Variants in VPS4B observed in about 807,000 individuals in gnomAD.
The protein encoded by VPS4B is vacuolar protein sorting-associated protein 4B.
Under a neutral mutation model 56.1 loss-of-function variants are expected in VPS4B, and 23 were observed. The ratio of observed to expected loss-of-function variants is 0.41; its 90% CI spans 0.30 to 0.58. The LOEUF (loss-of-function observed/expected upper bound fraction) is 0.58. VPS4B is among the 20% of genes least tolerant of loss of function. VPS4B has a pLI of 0.29. For synonymous variants in VPS4B, 177 were observed against 186.0 expected, an observed-to-expected ratio of 0.95 and a Z score of 0.39; for missense variants, 372 against 531.9, an observed-to-expected ratio of 0.70 and a Z score of 2.96.
At position 63,422,182 on chromosome 18, in the gene VPS4B, G is replaced by T. The variant is rs368070460; in HGVS notation, c.27+51C>A. ...TCCCCGCCCCCCACCCGCTTCTCGC[G>T]CCTCCCCTCGATCCCAGCTCCCTAG... is the stretch of plus-strand genomic sequence containing the variant. On this transcript the variant is annotated intron_variant, in intron 1 of 10. Coordinates refer to ENST00000238497, the MANE Select transcript of VPS4B (RefSeq NM_004869.4). 7 of 1,430,890 alleles carry T rather than the reference G, an allele frequency of 4.9e-6. No homozygotes were observed. The African/African-American group carries it at 1.0e-4, about 21-fold the overall frequency. The allele number at this position is 1,430,890 out of a possible 1,614,324, so 88.6% of individuals were successfully genotyped here. A position where few individuals can be genotyped will look rare whatever the true frequency, so the allele number is the denominator to read the frequency against.
intron 9 of VPS4B, among the ~76,000 whole-genome samples, chr18:63,395,738 T>C (rs934701144): frequency 6.6e-6 from 1 of 152,250 alleles, no homozygotes; most frequent in African/African-American, 2.4e-5. Flanking sequence ...CCTAGTTCAT[T>C]GTTACTCAAA....
At chr18:63,392,444 T>G (rs1469025337) in intron 10 of VPS4B, among the ~76,000 whole-genome samples, 1 of 152,194 alleles carries the variant, frequency 6.6e-6, no homozygotes, top group Non-Finnish European at 1.5e-5. Flanking sequence ...TTCTGGTTTT[T>G]GTTTTTGTTG....
chr18:63,400,635 T>C lies in VPS4B; in HGVS notation c.553A>G (p.Lys185Glu), dbSNP rs1319658987. ...TTGTTGGCTTCTGTTGCTACAGCTT[T>C]GGCTAAGTAGGACTTTCCTGTTCCA... is the stretch of plus-strand genomic sequence containing the variant. The part of the protein sequence containing the change: ...PPGTGKSYLA[K>E]AVATEANNST... The change falls in exon 6 of 11, where the codon AAA becomes GAA. Residue 185 changes from lysine (K) to glutamate (E), a missense_variant. Physicochemically the swap from Lys to Glu is moderately conservative, Grantham distance 56 (BLOSUM62 1). Coordinates refer to ENST00000238497, the MANE Select transcript of VPS4B (RefSeq NM_004869.4). 6.2e-7 allele frequency: 1 copy of C among 1,611,534 alleles called. No homozygotes were observed. Among genetic ancestry groups the C allele is most frequent in the South Asian group, 1.1e-5 (1 of 90,334 alleles).
rs114064122 is a variant in VPS4B at position 63,400,483 on chromosome 18, A to G, written c.641+64T>C. The G allele has an allele frequency of 1.3e-3, 1,948 of 1,486,130 alleles. 23 individuals are homozygous for G. In the African/African-American group the frequency reaches 0.026, roughly 19 times the overall value. The allele number at this position is 1,486,130 out of a possible 1,614,324, so 92.1% of individuals were successfully genotyped here. A position where few individuals can be genotyped will look rare whatever the true frequency, so the allele number is the denominator to read the frequency against. ...TATCTATAAGTGATGTAAGAAATCT[A>G]TTAAGGAGTGATACAGTAATTACAG... On this transcript the variant is annotated intron_variant, in intron 6 of 10. Transcript: ENST00000238497.
Position 63,414,701 on chromosome 18 carries a change from C to T in VPS4B, c.28-3123G>A, listed in dbSNP as rs372886127. Among the ~76,000 whole-genome samples the T allele has an allele frequency of 4.3e-4, 66 of 152,328 alleles. No individual in the cohort carries two copies. The East Asian group carries it at 0.01, about 24-fold the overall frequency. On this transcript the variant is annotated intron_variant, in intron 1 of 10. Transcript: ENST00000238497. ...ACACCTGCCTCAGCCTCCCAAAGTGCTGGGATAACAGGCGTGAGCCACCGT... is the reference window on the plus strand; with the variant it reads ...ACACCTGCCTCAGCCTCCCAAAGTGTTGGGATAACAGGCGTGAGCCACCGT...
In VPS4B at chr18:63,405,942, C is replaced by T. The variant is rs369091937; in HGVS notation, c.364+1490G>A. ...TCGAGGCTGCAGTAAGCCGTGATTG[C>T]GCCACTGCACTCCAGCCTGGGCAAC... On this transcript the variant is annotated intron_variant, in intron 4 of 10. Coordinates refer to ENST00000238497, the MANE Select transcript of VPS4B (RefSeq NM_004869.4). Among the ~76,000 whole-genome samples, 20 of 151,656 alleles carry T rather than the reference C, an allele frequency of 1.3e-4. No individual in the cohort carries two copies. In the South Asian group the frequency reaches 2.9e-3, roughly 22 times the overall value.
At chr18:63,415,437 G>A in intron 1 of VPS4B, 1 of 285,822 alleles carries the variant, frequency 3.5e-6, no homozygotes, top group Non-Finnish European at 7.2e-6. Flanking sequence ...CATATATGCT[G>A]CTTTCTCTGT....
At chr18:63,412,659 TAGAA>T (rs1568090173) in intron 1 of VPS4B, among the ~76,000 whole-genome samples, 1 of 152,190 alleles carries the variant, frequency 6.6e-6, no homozygotes, top group Non-Finnish European at 1.5e-5. Context: ...AAATGGATCA[TAGAA>T]TTAAATGTAA....
intron 4 of VPS4B, 191 bp downstream of exon 4, chr18:63,407,241 C>T (rs557115221): frequency 1.8e-6 from 1 of 544,854 alleles, no homozygotes; most frequent in Admixed American, 3.5e-5. Flanking sequence ...ATAAAAAAGA[C>T]CAAACCATGA....
At chr18:63,422,143 C>A in intron 1 of VPS4B, 90 bp downstream of exon 1, 2 of 1,346,864 alleles carry the variant, frequency 1.5e-6, no homozygotes, top group Non-Finnish European at 1.9e-6. Flanking sequence ...CAGGCGCGGC[C>A]GCTTCCTCCC....
chr18:63,421,486 T>C (rs1169152712), intron 1 of VPS4B, among the ~76,000 whole-genome samples: 2 of 152,204 alleles, frequency 1.3e-5, no homozygotes, highest in Non-Finnish European at 2.9e-5. Flanking sequence ...CCACATTACA[T>C]TCTAAACGCC....
At chr18:63,401,276 CAG>C (rs1480025387) in intron 5 of VPS4B, among the ~76,000 whole-genome samples, 1 of 152,014 alleles carries the variant, frequency 6.6e-6, no homozygotes, top group Non-Finnish European at 1.5e-5. Flanking sequence ...TTTTTTGAGA[CAG>C]AGTCTCACTC....
intron 1 of VPS4B, chr18:63,415,341 GT>G: frequency 5.2e-6 from 1 of 192,198 alleles, no homozygotes. Context: ...TGATGGACAT[GT>G]TTTACTCTCT....
rs1915790246 is a variant in VPS4B at position 63,400,703 on chromosome 18, C to T, written c.485G>A (p.Gly162Asp). The stretch of plus-strand genomic sequence containing the variant: ...GATTCCCCTCCAAGGTGTTCTCTTG[C>T]CTAAAATTTAGATTTAGAAAAATGT... ...LPIKFPHLFT[G>D]KRTPWRGILL... The change falls in exon 6 of 11, where the codon GGC (glycine) becomes GAC (aspartate). Residue 162 changes from glycine (G) to aspartate (D), a missense_variant and splice_region_variant. By Grantham distance (94) the Gly-to-Asp change is moderately conservative (BLOSUM62 -1). Transcript: ENST00000238497. The T allele has an allele frequency of 1.3e-6, 2 of 1,595,450 alleles. No individual in the cohort carries two copies. Among genetic ancestry groups the T allele is most frequent in the Non-Finnish European group, 8.5e-7 (1 of 1,175,772 alleles).
At chr18:63,417,347 G>C (rs1468345095) in intron 1 of VPS4B, among the ~76,000 whole-genome samples, 1 of 151,800 alleles carries the variant, frequency 6.6e-6, no homozygotes, top group Non-Finnish European at 1.5e-5. Context: ...TCATATCAAG[G>C]CTCTCTAGCA....
At position 63,422,008 on chromosome 18, in the gene VPS4B, G is replaced by A. The variant is rs1048992657; in HGVS notation, c.27+225C>T. On this transcript the variant is annotated intron_variant, in intron 1 of 10. Coordinates refer to ENST00000238497, the MANE Select transcript of VPS4B (RefSeq NM_004869.4). ...AGCGGGAAGTGTCAACAAAAGTGAA[G>A]AGTCTCACAAAGCCAGTAGCTCGGG... Among the ~76,000 whole-genome samples, 3 of 152,200 alleles carry A rather than the reference G, an allele frequency of 2.0e-5. 1 individual carries two copies. Among genetic ancestry groups the A allele is most frequent in the Admixed American group, 2.0e-4 (3 of 15,284 alleles).
chr18:63,422,083 C>T (rs1176727946), intron 1 of VPS4B, 150 bp downstream of exon 1: 11 of 823,208 alleles, frequency 1.3e-5, no homozygotes, highest in African/African-American at 1.8e-5. Context: ...AAACGGGCCC[C>T]TCTCCCACCT....
intron 1 of VPS4B, among the ~76,000 whole-genome samples, chr18:63,418,391 A>T (rs1449847251): frequency 1.3e-5 from 2 of 151,784 alleles, no homozygotes; most frequent in Non-Finnish European, 2.9e-5. Context: ...GGCTGTCATG[A>T]CACCATTTTC....
At chr18:63,416,224 C>T in intron 1 of VPS4B, 1 of 206,830 alleles carries the variant, frequency 4.8e-6, no homozygotes. Flanking sequence ...ACACTTTCTC[C>T]TTATTCATGG....
Sources: gnomAD v4.1 joint callset for allele counts (sites outside exome capture counted in the v4.1 genomes callset) on GRCh38, gnomAD v4.1.1 for gene constraint, MANE v1.5 for transcripts, NCBI Gene and HGNC (gene_info 2026-07-23, HGNC 2026-07-21) for gene names.